PLEKHA7: variants seen among roughly 807,000 people sequenced by gnomAD.
The protein encoded by PLEKHA7 is pleckstrin homology domain-containing family A member 7.
In PLEKHA7, 104 loss-of-function variants were observed where a neutral mutation model predicts 170.0. That is an observed-to-expected ratio of 0.61 (90% CI 0.52 to 0.72). The LOEUF is 0.72. Ranked by LOEUF, PLEKHA7 falls within the 30% of genes least tolerant of loss-of-function variation. The probability of loss-of-function intolerance (pLI) is 0.00; values close to 1 mark genes in which losing one functional copy is unlikely to be tolerated. For synonymous variants in PLEKHA7, 648 were observed against 660.8 expected (o/e 0.98, Z 0.30); for missense variants, 1,615 against 1,671.7 (o/e 0.97, Z 0.59).
chr11:16,987,968 TG>T (rs1863833416), intron 3 of PLEKHA7, among the ~76,000 whole-genome samples: 1 of 152,176 alleles, frequency 6.6e-6, no homozygotes, highest in East Asian at 1.9e-4. Flanking sequence ...CACCACTGGG[TG>T]AAGTTTTCTC....
intron 3 of PLEKHA7, among the ~76,000 whole-genome samples, chr11:16,976,640 A>G (rs1039279303): frequency 2.6e-5 from 4 of 152,202 alleles, no homozygotes; most frequent in Non-Finnish European, 5.9e-5. Context: ...TCTAGGCAAG[A>G]TCTGTCCCAG....
intron 3 of PLEKHA7, among the ~76,000 whole-genome samples, chr11:16,990,869 T>C (rs917610266): frequency 6.6e-6 from 1 of 152,220 alleles, no homozygotes; most frequent in Non-Finnish European, 1.5e-5. Context: ...CTCAGGAGCA[T>C]GGATGACATC....
intron 3 of PLEKHA7, among the ~76,000 whole-genome samples, chr11:16,891,241 T>C (rs149335425): frequency 6.6e-6 from 1 of 152,300 alleles, no homozygotes; most frequent in East Asian, 1.9e-4. Flanking sequence ...TTGGAATATC[T>C]GTGTGCAGCC....
intron 3 of PLEKHA7, among the ~76,000 whole-genome samples, chr11:16,961,455 A>G (rs988032396): frequency 4.6e-5 from 7 of 152,250 alleles, no homozygotes; most frequent in African/African-American, 1.7e-4. Context: ...CCAGCCAGGC[A>G]GCCAAGAGCT....
chr11:16,805,647 A>G (rs1183391416), intron 13 of PLEKHA7, among the ~76,000 whole-genome samples: 3 of 152,082 alleles, frequency 2.0e-5, no homozygotes, highest in Non-Finnish European at 4.4e-5. Flanking sequence ...AAAATTAGCC[A>G]GGCACAGTGC....
chr11:16,900,062 T>C (rs561921148), intron 3 of PLEKHA7, among the ~76,000 whole-genome samples: 1 of 152,322 alleles, frequency 6.6e-6, no homozygotes, highest in South Asian at 2.1e-4. Flanking sequence ...TAAACCTTAC[T>C]TGCAGACAAA....
intron 15 of PLEKHA7, among the ~76,000 whole-genome samples, chr11:16,802,213 A>T (rs1299143465): frequency 6.6e-6 from 1 of 152,244 alleles, no homozygotes; most frequent in Non-Finnish European, 1.5e-5. Context: ...AAAGGAAAAA[A>T]ATACTTTAAG....
chr11:16,816,146 C>A (rs1227446693), intron 12 of PLEKHA7, 32 bp downstream of exon 12: 1 of 1,549,984 alleles, frequency 6.5e-7, no homozygotes, highest in South Asian at 1.1e-5. Flanking sequence ...TGAGATAGGG[C>A]TTTGCAGGCT....
chr11:16,830,321 C>T (rs1469414112), intron 9 of PLEKHA7, among the ~76,000 whole-genome samples: 7 of 152,128 alleles, frequency 4.6e-5, no homozygotes, highest in Non-Finnish European at 5.9e-5. Context: ...GGAAACTACC[C>T]ATAGAGGATG....
At chr11:16,944,037 T>A (rs1224284688) in intron 3 of PLEKHA7, among the ~76,000 whole-genome samples, 2 of 152,180 alleles carry the variant, frequency 1.3e-5, no homozygotes, top group Non-Finnish European at 1.5e-5. Context: ...TCTTTGGGAA[T>A]GACTGTACCA....
intron 9 of PLEKHA7, among the ~76,000 whole-genome samples, chr11:16,837,414 C>G (rs1851603170): frequency 6.6e-6 from 1 of 152,180 alleles, no homozygotes; most frequent in Non-Finnish European, 1.5e-5. Context: ...AATTCTCTCT[C>G]ATCTAGCATC....
At chr11:16,913,847 T>C (rs902993986) in intron 3 of PLEKHA7, among the ~76,000 whole-genome samples, 2 of 152,360 alleles carry the variant, frequency 1.3e-5, no homozygotes, top group African/African-American at 4.8e-5. Flanking sequence ...TTTTGCTTTT[T>C]AATATAAGGT....
chr11:16,993,608 A>C (rs188067296), intron 3 of PLEKHA7, among the ~76,000 whole-genome samples: 5 of 152,294 alleles, frequency 3.3e-5, no homozygotes, highest in African/African-American at 7.2e-5. Context: ...ACCTCCTGAC[A>C]CTAGATTGCA....
chr11:16,851,935 C>T (rs1233762949), intron 7 of PLEKHA7, among the ~76,000 whole-genome samples: 1 of 152,180 alleles, frequency 6.6e-6, no homozygotes, highest in Non-Finnish European at 1.5e-5. Flanking sequence ...ACACATAGTC[C>T]CTAACTTTAT....
Position 16,817,681 on chromosome 11 carries a change from AT to A in PLEKHA7, c.1344-360del, listed in dbSNP as rs1449596724. On this transcript the variant is annotated intron_variant, in intron 10 of 26. Coordinates refer to ENST00000531066, the MANE Select transcript of PLEKHA7 (RefSeq NM_001329630.2). This position sits in a 1 kb window ranked among gnomAD's most constrained non-coding sequence, Gnocchi z 4.4. ...CCTCACAATTCTCCAAGTTACCAAG[AT>A]TTTCTCTCTGCCTGGTATCCTTAGC... 1.3e-5 allele frequency among the ~76,000 whole-genome samples: 2 copies of A among 152,018 alleles called. No homozygotes were observed. The highest frequency in any genetic ancestry group is 2.9e-5 in the Non-Finnish European group (2 of 68,014).
intron 3 of PLEKHA7, among the ~76,000 whole-genome samples, chr11:17,003,836 G>A (rs76717693): frequency 2.3e-3 from 347 of 152,298 alleles, no homozygotes; most frequent in African/African-American, 7.7e-3. Flanking sequence ...CCTGAAGAGG[G>A]CTGGATGAGA....
chr11:16,880,349 T>A (rs998754192), intron 3 of PLEKHA7, among the ~76,000 whole-genome samples: 3 of 152,190 alleles, frequency 2.0e-5, no homozygotes, highest in Admixed American at 1.3e-4. Context: ...TAGTGGCTTT[T>A]CTGAGTTTAT....
At chr11:16,910,762 A>C (rs568661257) in intron 3 of PLEKHA7, among the ~76,000 whole-genome samples, 57 of 152,366 alleles carry the variant, frequency 3.7e-4, no homozygotes, top group South Asian at 8.3e-4. Flanking sequence ...AATCTGGCCC[A>C]AAATCAACAA....
At chr11:16,838,738 A>AGG (rs905714770) in intron 9 of PLEKHA7, among the ~76,000 whole-genome samples, 10 of 119,436 alleles carry the variant, frequency 8.4e-5, no homozygotes, top group African/African-American at 2.5e-4. Flanking sequence ...TCTGTTGCCC[A>AGG]GGCAGTGGTG....
Sources: gnomAD v4.1 joint callset for allele counts (sites outside exome capture counted in the v4.1 genomes callset) on GRCh38, gnomAD v4.1.1 for gene constraint, Gnocchi (gnomAD v3.1) non-coding constraint, MANE v1.5 for transcripts, NCBI Gene and HGNC (gene_info 2026-07-23, HGNC 2026-07-21) for gene names.